SCLT1: variants seen among roughly 807,000 people sequenced by gnomAD.
SCLT1 encodes sodium channel and clathrin linker 1.
In SCLT1, 78 loss-of-function variants were observed where a neutral mutation model predicts 112.8. The ratio of observed to expected loss-of-function variants is 0.69; its 90% confidence interval spans 0.58 to 0.83. The LOEUF is 0.83. Ranked by LOEUF, SCLT1 falls within the 40% of genes least tolerant of loss-of-function variation. The pLI, the probability that SCLT1 is intolerant of heterozygous loss-of-function variation, is 0.00. For synonymous variants in SCLT1, 257 were observed against 254.7 expected (o/e 1.01, Z -0.09); for missense variants, 747 against 770.4 (o/e 0.97, Z 0.36).
At chr4:128,976,396 T>C (rs1188985931) in intron 9 of SCLT1, among the ~76,000 whole-genome samples, 1 of 152,196 alleles carries the variant, frequency 6.6e-6, no homozygotes, top group Admixed American at 6.5e-5. Context: ...TAACTTTGGG[T>C]AACACTGACA....
intron 18 of SCLT1, among the ~76,000 whole-genome samples, chr4:128,925,936 A>C (rs1254346883): frequency 2.6e-5 from 4 of 151,664 alleles, no homozygotes; most frequent in Non-Finnish European, 1.5e-5. Flanking sequence ...TCTCCTTATC[A>C]TCTTCATGTG....
chr4:128,950,976 C>T (rs1290200923), intron 14 of SCLT1, among the ~76,000 whole-genome samples: 1 of 151,996 alleles, frequency 6.6e-6, no homozygotes, highest in East Asian at 1.9e-4. Context: ...TGTAATGGCT[C>T]CGGCTTTTTC....
rs118031559 is a variant in SCLT1 at position 129,022,099 on chromosome 4, T to A, written c.290+16942A>T. On this transcript the variant is annotated intron_variant, in intron 5 of 20. Transcript: ENST00000281142. ...AACTAACAAACAGAAAGCAACAACA[T>A]CAACATAAAAGACCCCCCCACAAAA... Among the ~76,000 whole-genome samples, 129 of 151,710 alleles carry A rather than the reference T, an allele frequency of 8.5e-4. 2 individuals carry two copies. The East Asian group carries it at 0.024, about 28-fold the overall frequency.
At position 128,977,619 on chromosome 4, in the gene SCLT1, T is replaced by C. The variant is rs558079311; in HGVS notation, c.687-7151A>G. On this transcript the variant is annotated intron_variant, in intron 9 of 20. Transcript: ENST00000281142. ...ATCTGAGCTACGACCTAAAGGATGA[T>C]GAGGCAAACTGAAGAAAACTTAGGG... 7.9e-5 allele frequency among the ~76,000 whole-genome samples: 12 copies of C among 152,184 alleles called. No individual in the cohort carries two copies. In the East Asian group the frequency reaches 2.1e-3, roughly 27 times the overall value.
At chr4:129,003,610 A>G (rs762420883) in intron 6 of SCLT1, 131 bp downstream of exon 6, 3 of 746,364 alleles carry the variant, frequency 4.0e-6, no homozygotes, top group Non-Finnish European at 6.1e-6. Context: ...ACCTGTAACG[A>G]TTCTTATAAA....
chr4:128,991,480 G>A (rs889803927), intron 9 of SCLT1, among the ~76,000 whole-genome samples: 2 of 151,576 alleles, frequency 1.3e-5, no homozygotes, highest in Admixed American at 6.6e-5. Flanking sequence ...ATATGGGATC[G>A]TATCAAGCTA....
chr4:129,070,420 C>A (rs1750896601), intron 2 of SCLT1, among the ~76,000 whole-genome samples: 1 of 151,854 alleles, frequency 6.6e-6, no homozygotes, highest in South Asian at 2.1e-4. Context: ...TTTCTAATTA[C>A]CACTTCAATC....
chr4:129,045,384 TAA>T (rs1407836557), intron 2 of SCLT1, among the ~76,000 whole-genome samples: 1 of 152,172 alleles, frequency 6.6e-6, no homozygotes, highest in East Asian at 1.9e-4. Context: ...AAAGCAAAGT[TAA>T]AAGACCTACA....
At chr4:129,075,912 T>A (rs1190755536) in intron 2 of SCLT1, among the ~76,000 whole-genome samples, 1 of 152,162 alleles carries the variant, frequency 6.6e-6, no homozygotes, top group Non-Finnish European at 1.5e-5. Flanking sequence ...CTATACATTG[T>A]ACAAGACATG....
chr4:129,059,812 A>T (rs947408256), intron 2 of SCLT1, among the ~76,000 whole-genome samples: 3 of 152,140 alleles, frequency 2.0e-5, no homozygotes, highest in African/African-American at 7.2e-5. Context: ...ATTTGTCTGT[A>T]ATATACCTCA....
intron 18 of SCLT1, among the ~76,000 whole-genome samples, chr4:128,929,341 A>G (rs1230931915): frequency 6.6e-6 from 1 of 152,222 alleles, no homozygotes; most frequent in Non-Finnish European, 1.5e-5. Flanking sequence ...ACGTCCATAG[A>G]TTGAAAGACT....
chr4:129,082,250 T>G (rs1345183949), intron 2 of SCLT1, 56 bp downstream of exon 2: 1 of 762,962 alleles, frequency 1.3e-6, no homozygotes, highest in Admixed American at 2.7e-5. Flanking sequence ...AGTTTCAAAG[T>G]GCTGTAGGCA....
chr4:129,027,684 A>T (rs1746250403), intron 5 of SCLT1, among the ~76,000 whole-genome samples: 1 of 152,134 alleles, frequency 6.6e-6, no homozygotes, highest in African/African-American at 2.4e-5. Context: ...CAGGGCAATT[A>T]GGCAGGAGAA....
chr4:128,950,788 T>C (rs1674693941), intron 14 of SCLT1, among the ~76,000 whole-genome samples: 1 of 152,196 alleles, frequency 6.6e-6, no homozygotes, highest in Admixed American at 6.5e-5. Context: ...ACATTTTATG[T>C]TACTTTTGTA....
chr4:129,020,385 T>G (rs538844539), intron 5 of SCLT1, among the ~76,000 whole-genome samples: 2 of 152,346 alleles, frequency 1.3e-5, no homozygotes, highest in East Asian at 1.9e-4. Context: ...CATGCACTAT[T>G]CTGTGCACAG....
chr4:128,949,681 C>T (rs567340537), intron 14 of SCLT1, among the ~76,000 whole-genome samples: 1 of 152,072 alleles, frequency 6.6e-6, no homozygotes, highest in Non-Finnish European at 1.5e-5. Context: ...TTTCCAGCTT[C>T]ATCCATGTCC....
intron 5 of SCLT1, among the ~76,000 whole-genome samples, chr4:129,022,537 A>C (rs1413429491): frequency 2.0e-5 from 3 of 152,214 alleles, no homozygotes; most frequent in Admixed American, 2.0e-4. Flanking sequence ...AAATGGAAGA[A>C]AGGACATCAC....
chr4:129,030,900 G>C (rs1746657835), intron 5 of SCLT1, among the ~76,000 whole-genome samples: 1 of 152,044 alleles, frequency 6.6e-6, no homozygotes, highest in African/African-American at 2.4e-5. Context: ...GTGGGGTGTA[G>C]AGGAGCTGGT....
At chr4:129,002,672 CAT>C (rs1743617342) in intron 6 of SCLT1, among the ~76,000 whole-genome samples, 1 of 151,858 alleles carries the variant, frequency 6.6e-6, no homozygotes, top group Non-Finnish European at 1.5e-5. Context: ...AGGCAACAAA[CAT>C]ATGAAAAAAA....
Sources: allele counts gnomAD v4.1 joint callset (sites outside exome capture counted in the v4.1 genomes callset), GRCh38; gene constraint gnomAD v4.1.1; transcripts MANE v1.5; gene names NCBI Gene and HGNC (gene_info 2026-07-23, HGNC 2026-07-21).